Variants in ZDHHC7 observed in about 807,000 individuals in gnomAD.
ZDHHC7 encodes the protein zDHHC palmitoyltransferase 7, also known as palmitoyltransferase ZDHHC7.
A neutral mutation model predicts 34.1 loss-of-function variants in ZDHHC7; 12 were observed. That is an observed-to-expected ratio of 0.35 (90% CI 0.23 to 0.57). The LOEUF (loss-of-function observed/expected upper bound fraction) is 0.57, where lower values mean the gene tolerates loss of function less well. Among genes scored for constraint, ZDHHC7 ranks in the 20% least tolerant of loss-of-function variants. The pLI, the probability that ZDHHC7 is intolerant of heterozygous loss-of-function variation, is 0.84. For synonymous variants in ZDHHC7, 185 were observed against 155.4 expected (o/e 1.19, Z -1.42); for missense variants, 388 against 402.7 (o/e 0.96, Z 0.31).
At chr16:85,024,165 G>A in the ZDHHC7 span, among the ~76,000 whole-genome samples, 2 of 149,428 alleles carry the variant, frequency 1.3e-5, no homozygotes, top group East Asian at 4.0e-4. Context: ...TGATCCACCC[G>A]CCTTGGCTTC....
chr16:84,993,992 A>G (rs1241919514), intron 2 of ZDHHC7, among the ~76,000 whole-genome samples: 2 of 152,218 alleles, frequency 1.3e-5, no homozygotes, highest in African/African-American at 2.4e-5. Flanking sequence ...TTCTGCCTGC[A>G]CTACTAGTAA....
chr16:85,000,707 C>T (rs1312042948), intron 1 of ZDHHC7, among the ~76,000 whole-genome samples: 2 of 152,186 alleles, frequency 1.3e-5, no homozygotes, highest in East Asian at 3.8e-4. Context: ...ATGAACAGTC[C>T]ACTCAATTCA....
At chr16:85,024,177 C>G in the ZDHHC7 span, among the ~76,000 whole-genome samples, 16 of 150,840 alleles carry the variant, frequency 1.1e-4, no homozygotes, top group African/African-American at 3.7e-4. Flanking sequence ...CTTGGCTTCC[C>G]AAAGTGCTGA....
At chr16:85,005,005 A>C (rs957417642) in intron 1 of ZDHHC7, 14 of 152,226 alleles carry the variant, frequency 9.2e-5, no homozygotes, top group African/African-American at 3.4e-4. Context: ...CCTCCAAGGA[A>C]TGCTTACTCG....
intron 1 of ZDHHC7, among the ~76,000 whole-genome samples, chr16:85,000,057 T>C (rs565177526): frequency 6.6e-6 from 1 of 151,518 alleles, no homozygotes; most frequent in Non-Finnish European, 1.5e-5. Flanking sequence ...GGAGGATCGC[T>C]TGAGTCTCGG....
the ZDHHC7 span, among the ~76,000 whole-genome samples, chr16:85,026,494 T>C: frequency 6.6e-6 from 1 of 152,072 alleles, no homozygotes; most frequent in Non-Finnish European, 1.5e-5. Context: ...GCTATGGTGC[T>C]GAAGGCTCCA....
intron 1 of ZDHHC7, among the ~76,000 whole-genome samples, chr16:85,007,552 A>T (rs2072734288): frequency 6.6e-6 from 1 of 152,034 alleles, no homozygotes; most frequent in African/African-American, 2.4e-5. Context: ...TCAAAAAGGC[A>T]AGAGATAGTA....
the ZDHHC7 span, among the ~76,000 whole-genome samples, chr16:85,017,473 C>T: frequency 0.042 from 6,394 of 152,226 alleles, 401 homozygotes; most frequent in African/African-American, 0.13. Context: ...ACATGCACAT[C>T]CTATGCTCAC....
intron 1 of ZDHHC7, among the ~76,000 whole-genome samples, chr16:85,001,210 C>T (rs1248383369): frequency 1.3e-5 from 2 of 152,128 alleles, no homozygotes; most frequent in African/African-American, 4.8e-5. Flanking sequence ...GTGCCTCATG[C>T]CCGTAATCCC....
At chr16:84,985,952 CAAAAAAAAAAAA>C (rs58315276) in intron 3 of ZDHHC7, among the ~76,000 whole-genome samples, 2 of 54,028 alleles carry the variant, frequency 3.7e-5, no homozygotes, top group Non-Finnish European at 7.0e-5. Context: ...GAGACTGTCT[CAAAAAAAAAAAA>C]AAAAAAAAAA....
rs575713156 is a variant in ZDHHC7, at chr16:84,989,865, G to C, written c.315+439C>G. Reference sequence around the variant, plus strand: ...GCAGTGGAAAGAACTTTTTTCAAATGAAAATCTACTGACTGCTAATACCTG... The same window carrying C: ...GCAGTGGAAAGAACTTTTTTCAAATCAAAATCTACTGACTGCTAATACCTG... On this transcript the variant is annotated intron_variant, in intron 3 of 7. Coordinates refer to ENST00000313732, the MANE Select transcript of ZDHHC7 (RefSeq NM_017740.3). 1.1e-4 allele frequency among the ~76,000 whole-genome samples: 16 copies of C among 152,198 alleles called. No individual in the cohort carries two copies. In the South Asian group the frequency reaches 3.3e-3, roughly 32 times the overall value.
At chr16:84,978,214 G>A (rs935314127) in intron 5 of ZDHHC7, 4 of 436,366 alleles carry the variant, frequency 9.2e-6, no homozygotes, top group African/African-American at 2.1e-5. Flanking sequence ...TGCATTTTTA[G>A]TAGAGATGGG....
intron 1 of ZDHHC7, among the ~76,000 whole-genome samples, chr16:85,003,864 A>C (rs1489309133): frequency 1.3e-5 from 2 of 152,006 alleles, no homozygotes; most frequent in Non-Finnish European, 2.9e-5. Flanking sequence ...GGCCTGGGGG[A>C]CAACACTGAC....
the ZDHHC7 span, among the ~76,000 whole-genome samples, chr16:85,019,542 A>AC: frequency 6.6e-6 from 1 of 151,924 alleles, no homozygotes; most frequent in Non-Finnish European, 1.5e-5. Flanking sequence ...ATATGGTGAA[A>AC]CCCCGTCTCT....
intron 1 of ZDHHC7, among the ~76,000 whole-genome samples, chr16:85,004,578 C>G (rs987463031): frequency 6.7e-6 from 1 of 149,130 alleles, no homozygotes; most frequent in Non-Finnish European, 1.5e-5. Context: ...AAGCCCCACT[C>G]CATCTGGAGC....
At chr16:84,986,943 G>GAC (rs770908613) in intron 3 of ZDHHC7, among the ~76,000 whole-genome samples, 1 of 152,174 alleles carries the variant, frequency 6.6e-6, no homozygotes, top group Non-Finnish European at 1.5e-5. Flanking sequence ...GAACAGAGGT[G>GAC]ACACCTGACC....
the ZDHHC7 span, among the ~76,000 whole-genome samples, chr16:85,024,912 C>G: frequency 1.3e-5 from 2 of 152,134 alleles, no homozygotes. Flanking sequence ...AGAGAAGATC[C>G]TTTTTTCCAT....
At chr16:85,006,984 G>T (rs978725046) in intron 1 of ZDHHC7, among the ~76,000 whole-genome samples, 1 of 151,708 alleles carries the variant, frequency 6.6e-6, no homozygotes, top group South Asian at 2.1e-4. Context: ...CAGTTTTCAA[G>T]CACCCACTAC....
chr16:85,007,257 CTACAAAAA>C (rs199673085), intron 1 of ZDHHC7, among the ~76,000 whole-genome samples: 3,449 of 151,774 alleles, frequency 0.023, 165 homozygotes, highest in African/African-American at 0.079. Context: ...AAACCCGTCT[CTACAAAAA>C]TACAAAAATT....
Sources: gnomAD v4.1 joint callset for allele counts (sites outside exome capture counted in the v4.1 genomes callset) on GRCh38, gnomAD v4.1.1 for gene constraint, MANE v1.5 for transcripts, NCBI Gene and HGNC (gene_info 2026-07-23, HGNC 2026-07-21) for gene names.